The following ART3 variants were observed in gnomAD, a reference collection of about 807,000 sequenced individuals.
ART3 encodes the protein ADP-ribosyltransferase 3 (inactive).
Under a neutral mutation model 48.5 loss-of-function variants are expected in ART3, and 49 were observed. The observed-to-expected ratio is 1.01, with a 90% CI of 0.80 to 1.28. The LOEUF is 1.28. ART3 is among the 50% of genes most tolerant of loss of function. The pLI is 0.00. For synonymous variants in ART3, 145 were observed against 157.2 expected, an observed-to-expected ratio of 0.92 and a Z score of 0.58; for missense variants, 438 against 454.3, an observed-to-expected ratio of 0.96 and a Z score of 0.33.
chr4:76,028,411 G>A (rs1003894340), intron 1 of ART3, among the ~76,000 whole-genome samples: 1 of 152,168 alleles, frequency 6.6e-6, no homozygotes, highest in African/African-American at 2.4e-5. Flanking sequence ...CGTTTCAGTC[G>A]CTATTGATTT....
chr4:76,075,335 A>T (rs1720818126), intron 1 of ART3: 1 of 152,404 alleles, frequency 6.6e-6, no homozygotes, highest in Non-Finnish European at 1.5e-5. Flanking sequence ...GAAGGGGGCC[A>T]TCTCTGACAA....
intron 3 of ART3, among the ~76,000 whole-genome samples, chr4:76,092,960 A>T (rs1233493162): frequency 6.6e-6 from 1 of 152,220 alleles, no homozygotes; most frequent in Non-Finnish European, 1.5e-5. Context: ...AAAATTCTGT[A>T]TTTCAGAAGC....
chr4:76,083,621 G>C (rs1446728338), intron 3 of ART3, among the ~76,000 whole-genome samples: 1 of 152,156 alleles, frequency 6.6e-6, no homozygotes, highest in Non-Finnish European at 1.5e-5. Flanking sequence ...ACTTGTGACT[G>C]TTGCAGCTCT....
At chr4:76,027,184 C>T (rs956320867) in intron 1 of ART3, among the ~76,000 whole-genome samples, 2 of 151,830 alleles carry the variant, frequency 1.3e-5, no homozygotes, top group Non-Finnish European at 2.9e-5. Flanking sequence ...ACCCTGGAGA[C>T]GGAGGTTGCA....
intron 3 of ART3, among the ~76,000 whole-genome samples, chr4:76,088,826 A>T (rs1358390186): frequency 6.6e-6 from 1 of 152,144 alleles, no homozygotes; most frequent in Non-Finnish European, 1.5e-5. Flanking sequence ...TTCAAAACAG[A>T]CACCGCCATA....
chr4:76,112,557 A>G lies in ART3; in HGVS notation c.*38A>G, dbSNP rs1729691139. 2 of 1,589,552 alleles carry G rather than the reference A, an allele frequency of 1.3e-6. No homozygotes were observed. Among genetic ancestry groups the G allele is most frequent in the South Asian group, 2.3e-5 (2 of 88,518 alleles). On this transcript the variant is annotated 3_prime_UTR_variant, in exon 12 of 12. Transcript: ENST00000355810. Reference sequence around the variant, plus strand: ...TTTATCTTTCTTATTCTTTACTTGAAATAACTATAGGGATCCACAGGAGAT... The same window carrying G: ...TTTATCTTTCTTATTCTTTACTTGAGATAACTATAGGGATCCACAGGAGAT...
At position 76,081,910 on chromosome 4, in the gene ART3, T is replaced by C. The variant is rs987691310; in HGVS notation, c.156T>C (p.Val52=). ...KCTDRMEIKY[V]PQLLKEEKAS... Reference sequence around the variant, plus strand: ...CGGACAGGATGGAAATTAAATACGTTCCCCAACTGCTAAAGGAGGAAAAAG... The same window carrying C: ...CGGACAGGATGGAAATTAAATACGTCCCCCAACTGCTAAAGGAGGAAAAAG... Residue 52 remains valine (V), a synonymous_variant, in exon 3 of 12, where the codon GTT becomes GTC. Transcript: ENST00000355810. 12 of 1,614,168 alleles carry C rather than the reference T, an allele frequency of 7.4e-6. No homozygotes were observed. The highest frequency in any genetic ancestry group is 1.0e-5 in the Non-Finnish European group (12 of 1,180,034).
intron 2 of ART3, among the ~76,000 whole-genome samples, chr4:76,080,556 G>A (rs946130664): frequency 5.3e-5 from 8 of 151,988 alleles, no homozygotes; most frequent in Non-Finnish European, 1.2e-4. Context: ...TTTTGCCCAG[G>A]CTGGAGTGCT....
intron 1 of ART3, among the ~76,000 whole-genome samples, chr4:76,026,805 T>C (rs1371623639): frequency 6.6e-6 from 1 of 152,230 alleles, no homozygotes; most frequent in Admixed American, 6.5e-5. Flanking sequence ...GGAGGAGAAG[T>C]AGGCTTGTTC....
chr4:76,105,666 T>C (rs746120390), intron 10 of ART3: 5 of 1,063,300 alleles, frequency 4.7e-6, no homozygotes, highest in Non-Finnish European at 5.7e-6. Flanking sequence ...GGCTGTACAC[T>C]TTCCGATATC....
chr4:76,090,259 C>T (rs1724577479), intron 3 of ART3, among the ~76,000 whole-genome samples: 1 of 152,108 alleles, frequency 6.6e-6, no homozygotes, highest in Non-Finnish European at 1.5e-5. Context: ...GTGGAGCTTT[C>T]GAGAGTTCGT....
intron 1 of ART3, among the ~76,000 whole-genome samples, chr4:76,017,423 C>T (rs577344093): frequency 5.3e-4 from 81 of 152,062 alleles, no homozygotes; most frequent in African/African-American, 1.7e-3. Context: ...AGCACTCTAT[C>T]CTACTGTGGC....
chr4:76,067,149 G>A (rs1719821261), intron 1 of ART3, among the ~76,000 whole-genome samples: 1 of 152,244 alleles, frequency 6.6e-6, no homozygotes, highest in African/African-American at 2.4e-5. Flanking sequence ...CTTAGAAAAA[G>A]CATTATATTT....
chr4:76,052,561 G>A (rs770099531), intron 1 of ART3, among the ~76,000 whole-genome samples: 2 of 152,006 alleles, frequency 1.3e-5, no homozygotes, highest in Non-Finnish European at 2.9e-5. Context: ...CCAGAATAAT[G>A]TACATGGTAC....
chr4:76,076,958 A>G (rs898999189), intron 2 of ART3, among the ~76,000 whole-genome samples: 21 of 152,122 alleles, frequency 1.4e-4, no homozygotes, highest in Non-Finnish European at 1.6e-4. Context: ...TGAATTTAAT[A>G]TTCTAATCCA....
chr4:76,057,002 T>C, intron 1 of ART3, among the ~76,000 whole-genome samples: 1 of 151,950 alleles, frequency 6.6e-6, no homozygotes, highest in East Asian at 1.9e-4. Context: ...AAAATAATAG[T>C]GACACTTTTG....
At chr4:76,063,733 T>C (rs565033428) in intron 1 of ART3, among the ~76,000 whole-genome samples, 1 of 152,250 alleles carries the variant, frequency 6.6e-6, no homozygotes, top group East Asian at 1.9e-4. Flanking sequence ...AAGCCTGCAC[T>C]TGAAAATTAG....
chr4:76,065,203 A>T (rs567029397), intron 1 of ART3, among the ~76,000 whole-genome samples: 1 of 152,212 alleles, frequency 6.6e-6, no homozygotes, highest in Admixed American at 6.5e-5. Flanking sequence ...TAACACCACA[A>T]AGTTCAAAAA....
intron 1 of ART3, chr4:76,021,705 GC>G: frequency 3.6e-6 from 2 of 559,086 alleles, no homozygotes; most frequent in Non-Finnish European, 6.5e-6. Flanking sequence ...ACATTATAGT[GC>G]CAGGGTAGAG....
Sources: gnomAD v4.1 joint callset for allele counts (sites outside exome capture counted in the v4.1 genomes callset) on GRCh38, gnomAD v4.1.1 for gene constraint, MANE v1.5 for transcripts, NCBI Gene and HGNC (gene_info 2026-07-23, HGNC 2026-07-21) for gene names.